The following SENP7 variants were observed in gnomAD, a reference collection of about 807,000 sequenced individuals.
The protein encoded by SENP7 is sentrin-specific protease 7.
SENP7 carries 64 observed loss-of-function variants against 141.2 expected under a neutral mutation model. The observed-to-expected ratio is 0.45, with a 90% CI of 0.37 to 0.56. The LOEUF is 0.56. Ranked by LOEUF, SENP7 falls within the 20% of genes least tolerant of loss-of-function variation. SENP7 has a pLI of 0.00. For missense variants in SENP7, 1,025 were observed against 1,212.2 expected, an observed-to-expected ratio of 0.85 and a Z score of 2.29; for synonymous variants, 382 against 426.4, an observed-to-expected ratio of 0.90 and a Z score of 1.28.
At chr3:101,493,275 A>G (rs2108106731) in intron 3 of SENP7, among the ~76,000 whole-genome samples, 1 of 152,322 alleles carries the variant, frequency 6.6e-6, no homozygotes, top group Middle Eastern at 3.4e-3. Context: ...GGAACAGGAA[A>G]AATAACTAAT....
intron 3 of SENP7, among the ~76,000 whole-genome samples, chr3:101,474,582 G>A (rs749391247): frequency 6.6e-6 from 1 of 152,138 alleles, no homozygotes; most frequent in Non-Finnish European, 1.5e-5. Flanking sequence ...CCTTTGGGCT[G>A]AGAATATGGG....
chr3:101,395,228 A>AT (rs199640976), intron 6 of SENP7, among the ~76,000 whole-genome samples: 2,265 of 152,328 alleles, frequency 0.015, 22 homozygotes, highest in Admixed American at 0.037. Context: ...GCCTAGACCA[A>AT]TGTCCACAAG....
chr3:101,436,257 A>G (rs1317587791), intron 4 of SENP7, among the ~76,000 whole-genome samples: 1 of 152,154 alleles, frequency 6.6e-6, no homozygotes, highest in East Asian at 1.9e-4. Flanking sequence ...CTCTCATCAT[A>G]TACATAAATC....
chr3:101,463,398 CATATATATATATATATAT>C (rs1257100584), intron 3 of SENP7, among the ~76,000 whole-genome samples: 2,041 of 58,710 alleles, frequency 0.035, 73 homozygotes, highest in African/African-American at 0.11. Flanking sequence ...TATATATATA[CATATATATATATATATAT>C]ACACACACAT....
chr3:101,491,023 A>C (rs1385307993), intron 3 of SENP7, among the ~76,000 whole-genome samples: 1 of 152,136 alleles, frequency 6.6e-6, no homozygotes, highest in African/African-American at 2.4e-5. Context: ...ACCCATATAT[A>C]TGGAAATATG....
chr3:101,326,128 A>C (rs774931309), intron 23 of SENP7, 48 bp from the exon 24 acceptor site: 1 of 1,429,010 alleles, frequency 7.0e-7, no homozygotes, highest in Admixed American at 2.7e-5. Context: ...GCATAATTTC[A>C]AATTTGTTTT....
chr3:101,494,370 T>TTAACA (rs2065082641), intron 2 of SENP7, among the ~76,000 whole-genome samples: 1 of 152,184 alleles, frequency 6.6e-6, no homozygotes, highest in Non-Finnish European at 1.5e-5. Flanking sequence ...TTTGGGCTCT[T>TTAACA]TCACATCACA....
intron 4 of SENP7, chr3:101,457,799 C>G (rs2063405989): frequency 3.3e-6 from 2 of 608,482 alleles, no homozygotes; most frequent in East Asian, 5.5e-5. Flanking sequence ...GGTGGACCAG[C>G]TGAGATTAGG....
chr3:101,348,981 T>TAGTC (rs1217806904), intron 12 of SENP7, among the ~76,000 whole-genome samples: 1 of 152,190 alleles, frequency 6.6e-6, no homozygotes, highest in Non-Finnish European at 1.5e-5. Context: ...ACTCAAAGTA[T>TAGTC]AGTCTAAGCT....
At chr3:101,447,069 TAC>T (rs1466470751) in intron 4 of SENP7, among the ~76,000 whole-genome samples, 1 of 151,974 alleles carries the variant, frequency 6.6e-6, no homozygotes, top group Non-Finnish European at 1.5e-5. Flanking sequence ...ATTGATACCA[TAC>T]AAATACAAAG....
rs560929530 is a variant in SENP7 at position 101,462,825 on chromosome 3, G to A, written c.187-3773C>T. Among the ~76,000 whole-genome samples the A allele has an allele frequency of 6.6e-5, 10 of 151,594 alleles. No homozygotes were observed. The South Asian group carries it at 1.5e-3, about 22-fold the overall frequency. ...AGAGGTTGCAGTGAGCCGAGATCAT[G>A]CCACTGCACTCCAGTCTGGGCAAAA... On this transcript the variant is annotated intron_variant, in intron 3 of 23. Coordinates refer to ENST00000394095, the MANE Select transcript of SENP7 (RefSeq NM_020654.5).
intron 19 of SENP7, among the ~76,000 whole-genome samples, chr3:101,330,806 A>C (rs897199427): frequency 2.0e-5 from 3 of 152,198 alleles, no homozygotes; most frequent in African/African-American, 7.2e-5. Context: ...CAGTTGCTTC[A>C]TCAGTTTTTC....
At chr3:101,471,490 C>T (rs1441526765) in intron 3 of SENP7, among the ~76,000 whole-genome samples, 1 of 152,100 alleles carries the variant, frequency 6.6e-6, no homozygotes, top group African/African-American at 2.4e-5. Flanking sequence ...ACACCTTATA[C>T]AAAAATTAAT....
intron 5 of SENP7, among the ~76,000 whole-genome samples, chr3:101,405,378 G>C (rs1473699738): frequency 3.3e-5 from 5 of 152,136 alleles, no homozygotes; most frequent in Non-Finnish European, 5.9e-5. Context: ...CATAGGAAAA[G>C]GGCGAGAGTA....
At chr3:101,338,983 G>A (rs1426865130) in intron 16 of SENP7, among the ~76,000 whole-genome samples, 1 of 152,042 alleles carries the variant, frequency 6.6e-6, no homozygotes, top group Non-Finnish European at 1.5e-5. Flanking sequence ...ACATGCAAAA[G>A]TGCAAAGAAA....
chr3:101,503,312 G>A (rs2065464644), intron 1 of SENP7, among the ~76,000 whole-genome samples: 1 of 152,230 alleles, frequency 6.6e-6, no homozygotes, highest in Admixed American at 6.5e-5. Context: ...GTGTAAATGA[G>A]TACATCTGCT....
chr3:101,373,086 T>C (rs1234840333), intron 6 of SENP7, among the ~76,000 whole-genome samples: 1 of 152,034 alleles, frequency 6.6e-6, no homozygotes, highest in Non-Finnish European at 1.5e-5. Context: ...ACTTATAAAT[T>C]AAAAAAAGCT....
At chr3:101,392,840 T>G (rs1195146806) in intron 6 of SENP7, among the ~76,000 whole-genome samples, 1 of 152,120 alleles carries the variant, frequency 6.6e-6, no homozygotes, top group East Asian at 1.9e-4. Context: ...TAAAAATAGC[T>G]GGGTGTGGTG....
intron 4 of SENP7, among the ~76,000 whole-genome samples, chr3:101,424,347 A>G (rs969665543): frequency 2.9e-5 from 4 of 136,942 alleles, no homozygotes; most frequent in South Asian, 2.4e-4. Context: ...TTGCTGATGT[A>G]TATGTGTGCA....
Sources: allele counts gnomAD v4.1 joint callset (sites outside exome capture counted in the v4.1 genomes callset), GRCh38; gene constraint gnomAD v4.1.1; transcripts MANE v1.5; gene names NCBI Gene and HGNC (gene_info 2026-07-23, HGNC 2026-07-21).